ZBTB20: variants seen among roughly 807,000 people sequenced by gnomAD.
ZBTB20 encodes the protein zinc finger and BTB domain-containing protein 20.
A neutral mutation model predicts 56.9 loss-of-function variants in ZBTB20; 9 were observed. The observed-to-expected ratio is 0.16, with a 90% CI of 0.10 to 0.28. The LOEUF (loss-of-function observed/expected upper bound fraction) is 0.28, where lower values mean the gene tolerates loss of function less well. ZBTB20 is among the 10% of genes least tolerant of loss of function. The pLI is 1.00. For missense variants in ZBTB20, 655 were observed against 1,003.0 expected (o/e 0.65, Z 4.69); for synonymous variants, 417 against 420.7 (o/e 0.99, Z 0.11).
At chr3:114,539,122 G>A (rs1371101129) in intron 6 of ZBTB20, among the ~76,000 whole-genome samples, 1 of 152,090 alleles carries the variant, frequency 6.6e-6, no homozygotes, top group Non-Finnish European at 1.5e-5. Context: ...TAGTGTATAA[G>A]TGTCCAGGCT....
chr3:114,329,297 AG>A lies in ZBTB20; in HGVS notation c.*9707del, dbSNP rs2079160222. 6.6e-6 allele frequency: 1 copy of A among 152,146 alleles called. No individual in the cohort carries two copies. The highest frequency in any genetic ancestry group is 2.4e-5 in the African/African-American group (1 of 41,448). The allele number at this position is 152,146 out of a possible 1,614,324, so 9.4% of individuals were successfully genotyped here. Reference sequence around the variant, plus strand: ...CAGTGTGAGGGGGTCTTTTATACTGAGGTTTTAAAAACCTGACTTCATTTTG... The same window carrying A: ...CAGTGTGAGGGGGTCTTTTATACTGAGTTTTAAAAACCTGACTTCATTTTG... On this transcript the variant is annotated 3_prime_UTR_variant, in exon 12 of 12. Transcript: ENST00000675478.
chr3:114,764,844 T>C (rs2068677770), intron 5 of ZBTB20, among the ~76,000 whole-genome samples: 3 of 152,224 alleles, frequency 2.0e-5, no homozygotes, highest in South Asian at 2.1e-4. Context: ...AGAGGGAAAA[T>C]AGAGCCCTTG....
chr3:114,419,712 G>A (rs2088952775), intron 7 of ZBTB20, among the ~76,000 whole-genome samples: 1 of 152,090 alleles, frequency 6.6e-6, no homozygotes, highest in African/African-American at 2.4e-5. Flanking sequence ...AAAACACCAA[G>A]AGGAAACAAT....
intron 2 of ZBTB20, among the ~76,000 whole-genome samples, chr3:114,975,858 AG>A (rs1367436489): frequency 6.6e-6 from 1 of 152,218 alleles, no homozygotes; most frequent in East Asian, 1.9e-4. Context: ...CTAGAATGGA[AG>A]TAACATAAGG....
intron 5 of ZBTB20, among the ~76,000 whole-genome samples, chr3:114,737,041 A>G (rs2066222251): frequency 1.3e-5 from 2 of 152,176 alleles, no homozygotes; most frequent in Admixed American, 1.3e-4. Flanking sequence ...CTATAGATAC[A>G]CTTACCAAAT....
intron 6 of ZBTB20, among the ~76,000 whole-genome samples, chr3:114,604,429 G>C (rs1008660357): frequency 6.6e-6 from 1 of 151,912 alleles, no homozygotes; most frequent in African/African-American, 2.4e-5. Flanking sequence ...GGTGGATGGG[G>C]AGAAGTGAAG....
chr3:115,145,700 G>A (rs544711128), intron 1 of ZBTB20, among the ~76,000 whole-genome samples: 1 of 152,250 alleles, frequency 6.6e-6, no homozygotes, highest in South Asian at 2.1e-4. Context: ...GAGTGGAGGG[G>A]GATCTATATA....
intron 7 of ZBTB20, among the ~76,000 whole-genome samples, chr3:114,465,442 C>G (rs1205174894): frequency 6.6e-6 from 1 of 152,136 alleles, no homozygotes. Flanking sequence ...TGCGGTGGCT[C>G]ATGCCTGTAA....
intron 6 of ZBTB20, among the ~76,000 whole-genome samples, chr3:114,655,860 A>T (rs891258534): frequency 2.0e-5 from 3 of 152,202 alleles, no homozygotes; most frequent in Non-Finnish European, 2.9e-5. Flanking sequence ...TTTTTCTTTT[A>T]AAGAAATTAA....
intron 6 of ZBTB20, among the ~76,000 whole-genome samples, chr3:114,607,204 T>C (rs958546533): frequency 6.6e-6 from 1 of 152,118 alleles, no homozygotes; most frequent in African/African-American, 2.4e-5. Context: ...CAATATGCAA[T>C]ATGAGGTTAT....
At chr3:114,364,061 T>C (rs1245716510) in intron 10 of ZBTB20, among the ~76,000 whole-genome samples, 7 of 41,348 alleles carry the variant, frequency 1.7e-4, no homozygotes, top group Non-Finnish European at 9.6e-5. Context: ...AACTTCACTG[T>C]AATATTTTTT....
At chr3:114,785,111 C>A (rs1199086209) in intron 5 of ZBTB20, among the ~76,000 whole-genome samples, 1 of 152,144 alleles carries the variant, frequency 6.6e-6, no homozygotes, top group Non-Finnish European at 1.5e-5. Flanking sequence ...CACACACACA[C>A]AAAATGGATC....
intron 1 of ZBTB20, among the ~76,000 whole-genome samples, chr3:115,091,041 T>C (rs1042182887): frequency 1.3e-5 from 2 of 151,952 alleles, no homozygotes; most frequent in African/African-American, 4.8e-5. Flanking sequence ...CTATATAAGT[T>C]CATTGTACTT....
At chr3:114,461,275 AAAAC>A (rs1386405047) in intron 7 of ZBTB20, among the ~76,000 whole-genome samples, 1 of 151,154 alleles carries the variant, frequency 6.6e-6, no homozygotes, top group Non-Finnish European at 1.5e-5. Flanking sequence ...GCTTAGGCAA[AAAAC>A]AAACAAAACA....
intron 4 of ZBTB20, among the ~76,000 whole-genome samples, chr3:114,806,455 T>C (rs867474850): frequency 4.6e-5 from 7 of 152,094 alleles, no homozygotes; most frequent in Middle Eastern, 3.4e-3. Flanking sequence ...GTCTTTTTAT[T>C]ATTGAAGAAT....
intron 6 of ZBTB20, among the ~76,000 whole-genome samples, chr3:114,688,813 C>G (rs1389288717): frequency 6.6e-6 from 1 of 152,120 alleles, no homozygotes; most frequent in East Asian, 1.9e-4. Flanking sequence ...GAGTGGCCAT[C>G]AAATACCCAG....
chr3:114,674,570 A>C (rs2061526543), intron 6 of ZBTB20, among the ~76,000 whole-genome samples: 1 of 152,076 alleles, frequency 6.6e-6, no homozygotes, highest in South Asian at 2.1e-4. Context: ...ACACATGTAA[A>C]CTACAATGAA....
At chr3:114,546,586 G>A (rs1424069140) in intron 6 of ZBTB20, among the ~76,000 whole-genome samples, 1 of 148,474 alleles carries the variant, frequency 6.7e-6, no homozygotes, top group Admixed American at 6.7e-5. Context: ...ATCCAGACTG[G>A]AGAATTCAAA....
chr3:114,917,143 T>A (rs2075776157), intron 3 of ZBTB20, among the ~76,000 whole-genome samples: 1 of 152,194 alleles, frequency 6.6e-6, no homozygotes, highest in Non-Finnish European at 1.5e-5. Flanking sequence ...GTTTGATCAA[T>A]TCTCCCGTTA....
Sources: allele counts gnomAD v4.1 joint callset (sites outside exome capture counted in the v4.1 genomes callset), GRCh38; gene constraint gnomAD v4.1.1; transcripts MANE v1.5; gene names NCBI Gene and HGNC (gene_info 2026-07-23, HGNC 2026-07-21).